MCF2L: variants seen among roughly 807,000 people sequenced by gnomAD.
The protein encoded by MCF2L is guanine nucleotide exchange factor DBS.
A neutral mutation model predicts 153.4 loss-of-function variants in MCF2L; 97 were observed. The ratio of observed to expected loss-of-function variants is 0.63; its 90% CI spans 0.54 to 0.75. The LOEUF is 0.75. MCF2L is among the 30% of genes least tolerant of loss of function. MCF2L has a pLI of 0.00. For missense variants in MCF2L, 1,347 were observed against 1,495.2 expected (o/e 0.90, Z 1.64); for synonymous variants, 659 against 632.2 (o/e 1.04, Z -0.64).
chr13:112,968,420 AG>A (rs1566668286), upstream of MCF2L: 1 of 1,570,846 alleles, frequency 6.4e-7, no homozygotes. Flanking sequence ...GGTGGCAGCC[AG>A]GACGCTGCGT....
chr13:112,919,045 G>A (rs1336200928), intron 2 of MCF2L, among the ~76,000 whole-genome samples: 3 of 152,106 alleles, frequency 2.0e-5, no homozygotes, highest in Admixed American at 6.5e-5. Context: ...TGGGCCCCGT[G>A]CCTCTCTTAC....
chr13:113,096,343 G>A, intron 27 of MCF2L, 28 bp from the exon 28 acceptor site: 2 of 1,514,870 alleles, frequency 1.3e-6, no homozygotes, highest in Non-Finnish European at 1.8e-6. Context: ...TGCTGACGCT[G>A]TCTGTGCCCC....
At position 113,070,983 on chromosome 13, in the gene MCF2L, G is replaced by GT. The variant is rs1159703955; in HGVS notation, c.996+813dup. On this transcript the variant is annotated intron_variant, in intron 9 of 29. Coordinates refer to ENST00000535094, the MANE Select transcript of MCF2L (RefSeq NM_001112732.3). This position sits in a 1 kb window ranked among gnomAD's most constrained non-coding sequence, Gnocchi z 5.6. ...TTGCAGGGTTATATAGTAGTTGCAT[G>GT]TTTCGTTTAAGAAAATGCCAAACGG... Among the ~76,000 whole-genome samples, 1 of 152,202 alleles carries GT rather than the reference G, an allele frequency of 6.6e-6. No individual in the cohort carries two copies. Among genetic ancestry groups the GT allele is most frequent in the Non-Finnish European group, 1.5e-5 (1 of 68,040 alleles).
intron 1 of MCF2L, chr13:112,902,131 C>T: frequency 7.5e-7 from 1 of 1,332,912 alleles, no homozygotes. Context: ...CGGTTTTGTT[C>T]AGAGCAACAG....
intron 2 of MCF2L, among the ~76,000 whole-genome samples, chr13:112,944,722 G>A (rs1423011534): frequency 2.0e-5 from 3 of 152,168 alleles, no homozygotes; most frequent in African/African-American, 7.2e-5. Context: ...TCCTGACCTC[G>A]TGATCCGCCC....
intron 9 of MCF2L, among the ~76,000 whole-genome samples, chr13:113,071,986 C>T (rs893847951): frequency 7.9e-5 from 12 of 152,194 alleles, no homozygotes; most frequent in African/African-American, 1.7e-4. Flanking sequence ...CTCTTCTAGT[C>T]AACAAACATG....
At position 113,088,395 on chromosome 13, in the gene MCF2L, G is replaced by C. The variant is rs1427917634; in HGVS notation, c.2757G>C (p.Gln919His). The C allele has an allele frequency of 1.9e-6, 3 of 1,613,886 alleles. No homozygotes were observed. The highest frequency in any genetic ancestry group is 1.7e-5 in the Admixed American group (1 of 60,012). Residue 919 changes from glutamine (Q) to histidine (H), a missense_variant, in exon 24 of 30, where the codon CAG becomes CAC. This residue lies in a region of MCF2L where 383 missense variants were observed against 335.4 expected (regional missense o/e 1.14). Transcript: ENST00000535094. The stretch of plus-strand genomic sequence containing the variant: ...GGAAAGTGCTGACCAGCCAGCTGCA[G>C]GCTTGTAGAGGTGAGGCTGTCTTCA... ...EIRKVLTSQL[Q>H]ACREASQHRA...
intron 3 of MCF2L, among the ~76,000 whole-genome samples, chr13:113,041,393 T>C (rs2086471782): frequency 6.6e-6 from 1 of 151,980 alleles, no homozygotes; most frequent in Non-Finnish European, 1.5e-5. Context: ...CCATGGGCCG[T>C]GGGGGGGCGG....
At chr13:112,896,493 G>C (rs1472722938) in intron 1 of MCF2L, among the ~76,000 whole-genome samples, 4 of 151,824 alleles carry the variant, frequency 2.6e-5, no homozygotes, top group African/African-American at 9.7e-5. Flanking sequence ...ATTTGCATTT[G>C]TAACGTGGTG....
chr13:112,916,790 C>A (rs1490042164), intron 2 of MCF2L, among the ~76,000 whole-genome samples: 1 of 152,132 alleles, frequency 6.6e-6, no homozygotes, highest in African/African-American at 2.4e-5. Context: ...TCTCCCCTCG[C>A]CCCCAAGGCC....
intron 2 of MCF2L, among the ~76,000 whole-genome samples, chr13:112,924,889 T>C (rs1172175318): frequency 6.6e-6 from 1 of 151,160 alleles, no homozygotes; most frequent in Non-Finnish European, 1.5e-5. Context: ...CAAGGACAGG[T>C]GAATGGAACA....
Position 113,088,509 on chromosome 13 carries a change from G to A in MCF2L, c.2768-53G>A, listed in dbSNP as rs571183299. 2.5e-5 allele frequency: 41 copies of A among 1,608,130 alleles called. No homozygotes were observed. In the East Asian group the frequency reaches 4.7e-4, roughly 18 times the overall value. On this transcript the variant is annotated intron_variant, in intron 24 of 29. Coordinates refer to ENST00000535094, the MANE Select transcript of MCF2L (RefSeq NM_001112732.3). ...AGTCCCCCCATGCGCAAGGTGCCTC[G>A]GCGTTGAAGTAAAGACGCTCGTTCA...
Position 112,943,428 on chromosome 13 carries a change from G to A in MCF2L, c.169+41057G>A, listed in dbSNP as rs1365030989. On this transcript the variant is annotated intron_variant, in intron 2 of 29. Transcript: ENST00000375608. The surrounding 1 kb of genome is among the most constrained non-coding windows in gnomAD (Gnocchi z 4.2). ...CGCAGGCGTGAACGCCCAACGGAGG[G>A]CGCCGGCGCCCGGGAGAGGCGCCGC... Among the ~76,000 whole-genome samples the A allele has an allele frequency of 3.0e-5, 4 of 131,540 alleles. No individual in the cohort carries two copies. The Admixed American group carries it at 3.1e-4, about 10-fold the overall frequency. 86.3% of individuals were successfully genotyped at this position (131,540 alleles called of 152,430 possible).
At chr13:113,060,526 A>T (rs2031209350) in intron 4 of MCF2L, 67 bp from the exon 5 acceptor site, 1 of 1,584,512 alleles carries the variant, frequency 6.3e-7, no homozygotes, top group East Asian at 2.2e-5. Flanking sequence ...GCGTGCAGGC[A>T]CCGCACTAGG....
intron 3 of MCF2L, among the ~76,000 whole-genome samples, chr13:113,026,018 G>A (rs867068031): frequency 1.1e-4 from 10 of 88,008 alleles, no homozygotes; most frequent in Admixed American, 2.2e-4. Flanking sequence ...TCATGGTGGG[G>A]TCCCCGTGAC....
At chr13:112,894,970 G>T (rs1016300650) in intron 1 of MCF2L, among the ~76,000 whole-genome samples, 1 of 152,038 alleles carries the variant, frequency 6.6e-6, no homozygotes, top group African/African-American at 2.4e-5. Context: ...GGTAGCCTGG[G>T]GTCGGGCCCA....
At chr13:112,931,410 G>A (rs1403302707) in intron 2 of MCF2L, among the ~76,000 whole-genome samples, 4 of 152,230 alleles carry the variant, frequency 2.6e-5, no homozygotes, top group African/African-American at 9.6e-5. Context: ...GATTAGGTGA[G>A]CAGCTGTCTG....
chr13:113,035,120 T>C lies in MCF2L; in HGVS notation c.279-10151T>C, dbSNP rs957834468. ...TCACCATTCCCGACGGGAACACTTG[T>C]GATATTCACTTCCAACCACACGAGG... is the stretch of plus-strand genomic sequence containing the variant. On this transcript the variant is annotated intron_variant, in intron 3 of 29. Transcript: ENST00000535094. The surrounding 1 kb of genome is among the most constrained non-coding windows in gnomAD (Gnocchi z 4.4). Among the ~76,000 whole-genome samples, 29 of 152,180 alleles carry C rather than the reference T, an allele frequency of 1.9e-4. No homozygotes were observed. Among genetic ancestry groups the C allele is most frequent in the African/African-American group, 7.0e-4 (29 of 41,450 alleles).
intron 2 of MCF2L, among the ~76,000 whole-genome samples, chr13:112,933,656 A>G (rs2081486044): frequency 6.6e-6 from 1 of 152,252 alleles, no homozygotes; most frequent in Non-Finnish European, 1.5e-5. Context: ...AAGATGGAAT[A>G]TGTTGATGTT....
Sources: gnomAD v4.1 joint callset for allele counts (sites outside exome capture counted in the v4.1 genomes callset) on GRCh38, gnomAD v4.1.1 for gene constraint, gnomAD v4.1.1 regional missense constraint, Gnocchi (gnomAD v3.1) non-coding constraint, MANE v1.5 for transcripts, NCBI Gene and HGNC (gene_info 2026-07-23, HGNC 2026-07-21) for gene names.